Variants in RIC1 observed in about 807,000 individuals in gnomAD.
RIC1 encodes guanine nucleotide exchange factor subunit RIC1.
Under a neutral mutation model 169.0 loss-of-function variants are expected in RIC1, and 88 were observed. The observed-to-expected ratio is 0.52, with a 90% CI of 0.44 to 0.62. RIC1 has a LOEUF of 0.62. Ranked by LOEUF, RIC1 falls within the 20% of genes least tolerant of loss-of-function variation. RIC1 has a pLI of 0.00. For missense variants in RIC1, 1,877 were observed against 1,725.5 expected (o/e 1.09, Z -1.56); for synonymous variants, 790 against 601.5 (o/e 1.31, Z -4.59).
intron 22 of RIC1, 62 bp downstream of exon 22, chr9:5,769,318 A>G (rs1435295176): frequency 1.2e-6 from 2 of 1,613,932 alleles, no homozygotes; most frequent in Admixed American, 3.3e-5. Flanking sequence ...GTATTTACAC[A>G]TTTTGCTATT....
chr9:5,679,518 G>A (rs200929710), intron 2 of RIC1, among the ~76,000 whole-genome samples: 6 of 151,972 alleles, frequency 3.9e-5, no homozygotes, highest in African/African-American at 9.7e-5. Context: ...TATTTCATTG[G>A]GCAGTGCTTT....
intron 15 of RIC1, among the ~76,000 whole-genome samples, chr9:5,755,470 C>G (rs551055903): frequency 2.0e-5 from 3 of 152,286 alleles, no homozygotes; most frequent in African/African-American, 7.2e-5. Flanking sequence ...TGAATGTGGT[C>G]TCTCAGAATA....
intron 5 of RIC1, 116 bp from the exon 6 acceptor site, chr9:5,720,498 A>T (rs977222998): frequency 1.7e-6 from 2 of 1,186,710 alleles, no homozygotes; most frequent in African/African-American, 1.6e-5. Context: ...TTAATTATTT[A>T]GGGTTGTTAG....
At chr9:5,756,759 T>TG in intron 16 of RIC1, among the ~76,000 whole-genome samples, 1 of 152,316 alleles carries the variant, frequency 6.6e-6, no homozygotes, top group East Asian at 1.9e-4. Context: ...CTTAGCAAAC[T>TG]GACTTATATT....
intron 6 of RIC1, among the ~76,000 whole-genome samples, chr9:5,726,982 T>C (rs1824035372): frequency 6.6e-6 from 1 of 152,214 alleles, no homozygotes; most frequent in Admixed American, 6.5e-5. Context: ...TGGCTGCCCT[T>C]AACATTTTTT....
chr9:5,744,109 G>C (rs890622560), intron 10 of RIC1, among the ~76,000 whole-genome samples: 71 of 151,704 alleles, frequency 4.7e-4, no homozygotes, highest in African/African-American at 1.7e-3. Context: ...CTTGATGAAA[G>C]TCTTTTGTTT....
intron 3 of RIC1, among the ~76,000 whole-genome samples, chr9:5,695,907 C>T (rs1821874031): frequency 6.6e-6 from 1 of 151,924 alleles, no homozygotes. Context: ...ATGTCTAAAC[C>T]TCACTCACTT....
At chr9:5,650,076 A>G (rs1818718151) in intron 1 of RIC1, among the ~76,000 whole-genome samples, 1 of 152,196 alleles carries the variant, frequency 6.6e-6, no homozygotes, top group South Asian at 2.1e-4. Flanking sequence ...TGGTGGCAGC[A>G]GCAGACTGTG....
At chr9:5,679,480 A>T (rs1221218416) in intron 2 of RIC1, among the ~76,000 whole-genome samples, 7 of 152,258 alleles carry the variant, frequency 4.6e-5, no homozygotes, top group African/African-American at 2.4e-5. Flanking sequence ...GAGCATGGAA[A>T]GTTCTTCCAT....
At chr9:5,767,476 T>C (rs1826857406) in intron 21 of RIC1, among the ~76,000 whole-genome samples, 1 of 25,392 alleles carries the variant, frequency 3.9e-5, no homozygotes, top group African/African-American at 1.8e-4. Context: ...TTGTTCATAT[T>C]CTCTTTTTTT....
rs1358017872 is a variant in RIC1, at chr9:5,720,338, C to T, written c.583+14C>T. ...AGTCATCTAGAGGTAGCTATACTTT[C>T]TACATGAGGTTGAACCAGTTGTTTA... On this transcript the variant is annotated intron_variant, in intron 5 of 25. Transcript: ENST00000414202. 1 of 1,606,104 alleles carries T rather than the reference C, an allele frequency of 6.2e-7. No individual in the cohort carries two copies. The highest frequency in any genetic ancestry group is 1.7e-5 in the Admixed American group (1 of 58,756).
In RIC1 at chr9:5,762,785, C is replaced by T. The variant is rs78636221; in HGVS notation, c.2112+125C>T. The T allele has an allele frequency of 0.013, 15,673 of 1,230,430 alleles. 1,183 individuals are homozygous for T. The African/African-American group carries it at 0.18, about 14-fold the overall frequency. The allele number at this position is 1,230,430 out of a possible 1,614,324, so 76.2% of individuals were successfully genotyped here. On this transcript the variant is annotated intron_variant, in intron 18 of 25. Transcript: ENST00000414202. ...AAAGGAGAAATTAAGTCCATAAAAT[C>T]AGTCTTAAGCCTCTGGGTGTAAGAC...
At chr9:5,682,639 G>A (rs1292913355) in intron 2 of RIC1, among the ~76,000 whole-genome samples, 1 of 151,984 alleles carries the variant, frequency 6.6e-6, no homozygotes, top group Non-Finnish European at 1.5e-5. Context: ...TATGTGTCTT[G>A]GAGTTGCTCT....
intron 1 of RIC1, among the ~76,000 whole-genome samples, chr9:5,632,182 T>G (rs1817746845): frequency 6.6e-6 from 1 of 152,220 alleles, no homozygotes; most frequent in African/African-American, 2.4e-5. Context: ...GCTCACTTAG[T>G]AAATCAGGCT....
At chr9:5,649,390 A>G (rs1024059150) in intron 1 of RIC1, among the ~76,000 whole-genome samples, 1 of 151,908 alleles carries the variant, frequency 6.6e-6, no homozygotes, top group African/African-American at 2.4e-5. Context: ...GTTCATTCTT[A>G]TTTATTCTTG....
At chr9:5,673,047 A>C (rs941867137) in intron 2 of RIC1, among the ~76,000 whole-genome samples, 2 of 152,226 alleles carry the variant, frequency 1.3e-5, no homozygotes, top group Admixed American at 1.3e-4. Context: ...TACAGTGAAC[A>C]GGACAAGCAA....
chr9:5,705,326 C>G lies in RIC1; in HGVS notation c.333-8570C>G, dbSNP rs574606927. Among the ~76,000 whole-genome samples, 24 of 150,394 alleles carry G rather than the reference C, an allele frequency of 1.6e-4. No homozygotes were observed. The South Asian group carries it at 3.4e-3, about 21-fold the overall frequency. ...TGAACATAATATACCTTTCCAATTT[C>G]TTAGTTCTCCCTTAATTTATTTACG... On this transcript the variant is annotated intron_variant, in intron 3 of 25. Transcript: ENST00000414202.
At chr9:5,747,207 A>T (rs1015300969) in intron 11 of RIC1, 95 bp from the exon 12 acceptor site, 22 of 895,356 alleles carry the variant, frequency 2.5e-5, no homozygotes, top group South Asian at 9.1e-5. Flanking sequence ...TCCTATAATA[A>T]AACTAAATCG....
At chr9:5,762,430 C>T (rs1459766785) in intron 17 of RIC1, 111 bp from the exon 18 acceptor site, 1 of 1,351,126 alleles carries the variant, frequency 7.4e-7, no homozygotes, top group African/African-American at 1.5e-5. Flanking sequence ...ATAGTACAAC[C>T]TCAATAAATA....
Sources: gnomAD v4.1 joint callset for allele counts (sites outside exome capture counted in the v4.1 genomes callset) on GRCh38, gnomAD v4.1.1 for gene constraint, MANE v1.5 for transcripts, NCBI Gene and HGNC (gene_info 2026-07-23, HGNC 2026-07-21) for gene names.